The following HLTF variants were observed in gnomAD, a reference collection of about 807,000 sequenced individuals.
HLTF encodes the protein DNA-dependent ATPase/E3 ubiquitin-protein ligase HLTF.
HLTF carries 127 observed loss-of-function variants against 129.4 expected under a neutral mutation model. That is an observed-to-expected ratio of 0.98 (90% CI 0.85 to 1.14). The LOEUF (loss-of-function observed/expected upper bound fraction) is 1.14, where lower values mean the gene tolerates loss of function less well. Among genes scored for constraint, HLTF ranks in the 50% most tolerant of loss-of-function variants. The pLI is 0.00. For missense variants in HLTF, 1,139 were observed against 1,187.1 expected (o/e 0.96, Z 0.60); for synonymous variants, 332 against 388.8 (o/e 0.85, Z 1.72).
chr3:149,042,324 G>T, intron 18 of HLTF, 34 bp from the exon 19 acceptor site: 1 of 1,551,700 alleles, frequency 6.4e-7, no homozygotes, highest in Non-Finnish European at 8.8e-7. Context: ...TATTAAGTCC[G>T]CTAAACAATA....
At chr3:149,032,557 G>A (rs1715188657) in intron 24 of HLTF, among the ~76,000 whole-genome samples, 185 bp from the exon 25 acceptor site, 1 of 151,922 alleles carries the variant, frequency 6.6e-6, no homozygotes, top group Non-Finnish European at 1.5e-5. Context: ...CTTATATAAA[G>A]AATATGGCTG....
At chr3:149,050,167 G>GA in intron 15 of HLTF, 65 bp downstream of exon 15, 1 of 1,075,520 alleles carries the variant, frequency 9.3e-7, no homozygotes, top group South Asian at 2.1e-5. Flanking sequence ...GAACACTCTA[G>GA]AAACCTGTGG....
intron 2 of HLTF, among the ~76,000 whole-genome samples, chr3:149,077,764 CA>C (rs934174126): frequency 6.6e-6 from 1 of 151,868 alleles, no homozygotes; most frequent in Admixed American, 6.6e-5. Flanking sequence ...AGCATTTAAA[CA>C]AGCCAGAAGT....
intron 2 of HLTF, among the ~76,000 whole-genome samples, chr3:149,083,463 T>A (rs974302330): frequency 6.6e-6 from 1 of 152,076 alleles, no homozygotes; most frequent in East Asian, 1.9e-4. Context: ...CTAAGATCAA[T>A]AACTACCATA....
Position 149,071,414 on chromosome 3 carries a change from T to C in HLTF, c.732A>G (p.Gln244=). The C allele has an allele frequency of 3.1e-6, 5 of 1,613,380 alleles. No individual in the cohort carries two copies. The highest frequency in any genetic ancestry group is 1.1e-5 in the South Asian group (1 of 90,954). Reference sequence around the variant, plus strand: ...ACACCATCCAAGCTAGAGCTTGTTTTTGATGTGGAAGCAGTGGTGTTTCAA... The same window carrying C: ...ACACCATCCAAGCTAGAGCTTGTTTCTGATGTGGAAGCAGTGGTGTTTCAA... ...EAIETPLLPH[Q]KQALAWMVSR... The change falls in exon 7 of 25, where the codon CAA becomes CAG. Residue 244 remains glutamine, a synonymous_variant. Transcript: ENST00000310053.
chr3:149,032,484 G>T (rs778011668), intron 24 of HLTF, 112 bp from the exon 25 acceptor site: 3 of 603,472 alleles, frequency 5.0e-6, no homozygotes, highest in Non-Finnish European at 8.1e-6. Flanking sequence ...AATTACTTTT[G>T]CACCAAACTA....
rs369183381 is a variant in HLTF at position 149,034,878 on chromosome 3, G to T, written c.2877+40C>A. The T allele has an allele frequency of 9.1e-6, 12 of 1,322,732 alleles. No individual in the cohort carries two copies. In the African/African-American group the frequency reaches 1.6e-4, roughly 17 times the overall value. 81.9% of individuals were successfully genotyped at this position (1,322,732 alleles called of 1,614,324 possible). On this transcript the variant is annotated intron_variant, in intron 24 of 24. Transcript: ENST00000310053. ...CATTACTTGCTTAATTGTAAAAATC[G>T]TATCAACCTAGTCTTAAAATAGTTT...
chr3:149,039,634 A>ACT lies in HLTF; in HGVS notation c.2560_2561dup (p.Ser854ArgfsTer14). Reference sequence around the variant, plus strand: ...ATGTTGTAAACTGAGAAACAACCAAACTTTTTATGTTGGGATTCTTCTTTC... The same window carrying ACT: ...ATGTTGTAAACTGAGAAACAACCAAACTCTTTTTATGTTGGGATTCTTCTTTC... On this transcript the variant is annotated frameshift_variant, in exon 22 of 25. Transcript: ENST00000310053. LOFTEE classifies it high-confidence loss of function. 1 of 1,608,132 alleles carries ACT rather than the reference A, an allele frequency of 6.2e-7. No homozygotes were observed. The highest frequency in any genetic ancestry group is 8.5e-7 in the Non-Finnish European group (1 of 1,177,196).
intron 2 of HLTF, among the ~76,000 whole-genome samples, chr3:149,077,795 T>C (rs1343278667): frequency 1.3e-5 from 2 of 152,038 alleles, no homozygotes; most frequent in East Asian, 3.8e-4. Flanking sequence ...AGCAGAGTTG[T>C]CAGGGGCCTT....
rs1237192604 is a variant in HLTF, at chr3:149,074,199, G to A, written c.529+16C>T. The A allele has an allele frequency of 2.5e-6, 4 of 1,604,286 alleles. No individual in the cohort carries two copies. Among genetic ancestry groups the A allele is most frequent in the Non-Finnish European group, 2.6e-6 (3 of 1,175,158 alleles). On this transcript the variant is annotated intron_variant, in intron 4 of 24. Coordinates refer to ENST00000310053, the MANE Select transcript of HLTF (RefSeq NM_003071.4). ...TTACAATATCAGAATAATATTAAGT[G>A]AAACCCTAAACTTACTTTTTGGTGC... is the stretch of plus-strand genomic sequence containing the variant.
At chr3:149,056,070 G>A (rs1230028078) in intron 13 of HLTF, among the ~76,000 whole-genome samples, 1 of 152,130 alleles carries the variant, frequency 6.6e-6, no homozygotes, top group East Asian at 1.9e-4. Context: ...AGTGAACTTG[G>A]AAATGGATCC....
At chr3:149,074,389 T>G in intron 3 of HLTF, 41 bp from the exon 4 acceptor site, 1 of 1,555,666 alleles carries the variant, frequency 6.4e-7, no homozygotes, top group Non-Finnish European at 8.7e-7. Flanking sequence ...ATCAGAAGCA[T>G]TACTTTTTAT....
chr3:149,079,157 G>A (rs1486632474), intron 2 of HLTF, among the ~76,000 whole-genome samples: 2 of 151,538 alleles, frequency 1.3e-5, no homozygotes, highest in Non-Finnish European at 1.5e-5. Flanking sequence ...ATACATAAGA[G>A]TACCATAAGG....
intron 18 of HLTF, among the ~76,000 whole-genome samples, chr3:149,043,841 G>C (rs374583115): frequency 2.6e-5 from 4 of 152,042 alleles, no homozygotes; most frequent in African/African-American, 9.7e-5. Flanking sequence ...TTCTAACAGT[G>C]GCATTGTAAA....
rs376827516 is a variant in HLTF, at chr3:149,050,295, C to T, written c.1554G>A (p.Pro518=). The change falls in exon 15 of 25, where the codon CCG becomes CCA. Residue 518 remains proline (P), a synonymous_variant. Coordinates refer to ENST00000310053, the MANE Select transcript of HLTF (RefSeq NM_003071.4). The part of the protein sequence containing the change: ...VYYGPDRIRE[P]ALLSKQDIVL... ...CAATATCCTGTTTTGAAAGTAAGGC[C>T]GGTTCTCTAATACGATCAGGACCAT... The T allele has an allele frequency of 5.0e-5, 80 of 1,599,818 alleles. 1 individual carries two copies. The highest frequency in any genetic ancestry group is 2.7e-4 in the Admixed American group (16 of 59,682).
intron 2 of HLTF, among the ~76,000 whole-genome samples, chr3:149,082,125 T>C (rs1719920952): frequency 6.6e-6 from 1 of 152,214 alleles, no homozygotes. Context: ...ATTCAATGTA[T>C]ATGAAGTTCT....
At chr3:149,075,314 C>T (rs1423409646) in intron 3 of HLTF, among the ~76,000 whole-genome samples, 1 of 152,064 alleles carries the variant, frequency 6.6e-6, no homozygotes, top group African/African-American at 2.4e-5. Context: ...TTTGGGAGGC[C>T]GAGGCGGGCA....
In HLTF at chr3:149,042,254, T is replaced by C. The variant is rs1716193926; in HGVS notation, c.2109A>G (p.Ala703=). 6.2e-7 allele frequency: 1 copy of C among 1,612,674 alleles called. No homozygotes were observed. Among genetic ancestry groups the C allele is most frequent in the Admixed American group, 1.7e-5 (1 of 59,984 alleles). ...FNEGTVLAHY[A]DVLGLLLRLR... ...GTCTAAGCAAAAGACCCAGGACATCTGCATAATGTGCCAGGACAGTCCCTT... is the reference window on the plus strand; with the variant it reads ...GTCTAAGCAAAAGACCCAGGACATCCGCATAATGTGCCAGGACAGTCCCTT... Residue 703 remains alanine, a synonymous_variant, in exon 19 of 25, where the codon GCA becomes GCG. Coordinates refer to ENST00000310053, the MANE Select transcript of HLTF (RefSeq NM_003071.4).
At position 149,086,330 on chromosome 3, in the gene HLTF, A is replaced by AGAT; in HGVS notation, c.6_7insATC (p.Ser2_Trp3insIle). ...CGCCCCCTTCACCTCTTGAACATCC[A>AGAT]GGACATGGCGCTGAGTGGGATGACA... On this transcript the variant is annotated inframe_insertion, in exon 1 of 25. Coordinates refer to ENST00000310053, the MANE Select transcript of HLTF (RefSeq NM_003071.4). 10 of 1,600,592 alleles carry AGAT rather than the reference A, an allele frequency of 6.2e-6. No individual in the cohort carries two copies. The highest frequency in any genetic ancestry group is 8.5e-6 in the Non-Finnish European group (10 of 1,173,304).
Sources: allele counts gnomAD v4.1 joint callset (sites outside exome capture counted in the v4.1 genomes callset), GRCh38; gene constraint gnomAD v4.1.1; transcripts MANE v1.5; gene names NCBI Gene and HGNC (gene_info 2026-07-23, HGNC 2026-07-21).